The following ADAMTSL1 variants were observed in gnomAD, a reference collection of about 807,000 sequenced individuals.
The protein encoded by ADAMTSL1 is ADAMTS like 1.
ADAMTSL1 carries 126 observed loss-of-function variants against 201.8 expected under a neutral mutation model. The ratio of observed to expected loss-of-function variants is 0.62; its 90% CI spans 0.54 to 0.72. ADAMTSL1 has a LOEUF of 0.72. ADAMTSL1 is among the 30% of genes least tolerant of loss of function. ADAMTSL1 has a pLI of 0.00. For synonymous variants in ADAMTSL1, 1,121 were observed against 903.4 expected, an observed-to-expected ratio of 1.24 and a Z score of -4.32; for missense variants, 2,679 against 2,277.8, an observed-to-expected ratio of 1.18 and a Z score of -3.59.
Position 18,908,760 on chromosome 9 carries a change from GA to G in ADAMTSL1, c.*215del. The G allele has an allele frequency of 1.9e-6, 1 of 513,690 alleles. No homozygotes were observed. The highest frequency in any genetic ancestry group is 2.1e-5 in the South Asian group (1 of 47,174). The allele number at this position is 513,690 out of a possible 1,614,324, so 31.8% of individuals were successfully genotyped here. On this transcript the variant is annotated 3_prime_UTR_variant, in exon 29 of 29. Coordinates refer to ENST00000380548, the MANE Select transcript of ADAMTSL1 (RefSeq NM_001040272.6). ...GCTGGAGGACAGGATGTTGGGAAAG[GA>G]AAGGACAGATGTCTAAAGGAGGTTG... is the stretch of plus-strand genomic sequence containing the variant.
chr9:18,038,846 T>C (rs751489317), intron 1 of ADAMTSL1, among the ~76,000 whole-genome samples: 12 of 152,194 alleles, frequency 7.9e-5, no homozygotes, highest in Non-Finnish European at 1.8e-4. Context: ...GAGAGTCTAT[T>C]GTGTAAACTT....
At chr9:17,984,822 T>G (rs1206500395) in intron 1 of ADAMTSL1, among the ~76,000 whole-genome samples, 2 of 152,158 alleles carry the variant, frequency 1.3e-5, no homozygotes, top group Non-Finnish European at 2.9e-5. Flanking sequence ...GATTTAGGCT[T>G]TTCCTCAGTG....
intron 1 of ADAMTSL1, among the ~76,000 whole-genome samples, chr9:18,069,262 T>C (rs998075937): frequency 6.6e-6 from 1 of 152,226 alleles, no homozygotes; most frequent in Non-Finnish European, 1.5e-5. Context: ...AATTTCAATA[T>C]ATCGAGTTGA....
chr9:18,481,390 C>T (rs968718059), intron 1 of ADAMTSL1, among the ~76,000 whole-genome samples: 6 of 151,960 alleles, frequency 3.9e-5, no homozygotes, highest in African/African-American at 1.4e-4. Context: ...ACTAAAAATA[C>T]AAAAATTAGC....
intron 7 of ADAMTSL1, among the ~76,000 whole-genome samples, chr9:18,646,163 A>T (rs1827797745): frequency 6.6e-6 from 1 of 151,522 alleles, no homozygotes; most frequent in Admixed American, 6.6e-5. Context: ...TGTGAATCGG[A>T]GTTCACTCAT....
chr9:18,668,378 T>G (rs1829598068), intron 9 of ADAMTSL1, among the ~76,000 whole-genome samples: 1 of 152,172 alleles, frequency 6.6e-6, no homozygotes, highest in East Asian at 1.9e-4. Flanking sequence ...AATCACATAA[T>G]CAACTATAAC....
At chr9:18,494,921 C>G (rs1474022784) in intron 1 of ADAMTSL1, among the ~76,000 whole-genome samples, 1 of 152,100 alleles carries the variant, frequency 6.6e-6, no homozygotes, top group African/African-American at 2.4e-5. Flanking sequence ...GCTTTGTATT[C>G]TAGCAAGATA....
intron 23 of ADAMTSL1, among the ~76,000 whole-genome samples, chr9:18,855,283 T>G (rs906972950): frequency 2.6e-5 from 4 of 152,228 alleles, no homozygotes; most frequent in Non-Finnish European, 5.9e-5. Flanking sequence ...GGTTTTTGTG[T>G]AACTGTTTTC....
At chr9:18,125,778 C>T (rs1299146991) in intron 1 of ADAMTSL1, among the ~76,000 whole-genome samples, 1 of 152,142 alleles carries the variant, frequency 6.6e-6, no homozygotes, top group Non-Finnish European at 1.5e-5. Flanking sequence ...TTCCACACTG[C>T]TGACAGTAAT....
chr9:18,414,276 T>A (rs762429355), intron 2 of ADAMTSL1, among the ~76,000 whole-genome samples: 16 of 152,170 alleles, frequency 1.1e-4, no homozygotes, highest in Non-Finnish European at 2.1e-4. Flanking sequence ...TGGAACGTAT[T>A]CTCCCTACTA....
chr9:18,598,400 A>C (rs1160351220), intron 4 of ADAMTSL1, among the ~76,000 whole-genome samples: 2 of 152,102 alleles, frequency 1.3e-5, no homozygotes, highest in East Asian at 3.9e-4. Context: ...AATGCTTTTT[A>C]TGTGTGTTTT....
intron 15 of ADAMTSL1, among the ~76,000 whole-genome samples, chr9:18,741,801 C>T (rs1818844350): frequency 6.6e-6 from 1 of 152,160 alleles, no homozygotes. Context: ...GCTATCTTCC[C>T]TTCTGTGAAT....
rs1384860090 is a variant in ADAMTSL1, at chr9:18,828,696, A to ATATATATATATATATATT, written c.4115-1147_4115-1146insTATATATATATATATATT. ...TATATATATATATATATATATATAA[A>ATATATATATATATATATT]ATGTGTGTGTGTGTATATATATATA... On this transcript the variant is annotated intron_variant, in intron 22 of 28. Coordinates refer to ENST00000380548, the MANE Select transcript of ADAMTSL1 (RefSeq NM_001040272.6). Among the ~76,000 whole-genome samples, 166 of 91,006 alleles carry ATATATATATATATATATT rather than the reference A, an allele frequency of 1.8e-3. 5 individuals are homozygous for ATATATATATATATATATT. Among genetic ancestry groups the ATATATATATATATATATT allele is most frequent in the Non-Finnish European group, 3.1e-3 (138 of 44,864 alleles). The allele number at this position is 91,006 out of a possible 152,430, so 59.7% of individuals were successfully genotyped here.
At chr9:18,616,407 T>C (rs1825705387) in intron 4 of ADAMTSL1, among the ~76,000 whole-genome samples, 1 of 152,228 alleles carries the variant, frequency 6.6e-6, no homozygotes, top group South Asian at 2.1e-4. Flanking sequence ...ACTGCTTGTA[T>C]GTATTTGCTC....
chr9:18,697,240 C>G (rs577015070), intron 13 of ADAMTSL1, among the ~76,000 whole-genome samples: 32 of 152,250 alleles, frequency 2.1e-4, no homozygotes, highest in African/African-American at 7.2e-4. Flanking sequence ...AAAACTAGTT[C>G]AAATGAGAAT....
chr9:18,635,161 T>C (rs1000284717), intron 5 of ADAMTSL1, among the ~76,000 whole-genome samples: 2 of 151,582 alleles, frequency 1.3e-5, no homozygotes, highest in East Asian at 1.9e-4. Flanking sequence ...ACCTCTGCAG[T>C]ACCATAAAAA....
At chr9:18,408,194 C>T (rs990286593) in intron 2 of ADAMTSL1, among the ~76,000 whole-genome samples, 4 of 152,118 alleles carry the variant, frequency 2.6e-5, no homozygotes, top group South Asian at 2.1e-4. Flanking sequence ...AAGGGCCAGG[C>T]GCTGTGGCTG....
Position 18,274,571 on chromosome 9 carries a change from AT to A in ADAMTSL1, c.207+110591del, listed in dbSNP as rs201354134. The stretch of plus-strand genomic sequence containing the variant: ...AAATTTGTACTTAATGCAAAAAAAA[AT>A]ATTCATTATGCTCATTTAGAGAGAA... On this transcript the variant is annotated intron_variant, in intron 2 of 29. Coordinates refer to the ADAMTSL1 transcript ENST00000680146. 6.4e-4 allele frequency among the ~76,000 whole-genome samples: 97 copies of A among 152,216 alleles called. 1 individual carries two copies. The East Asian group carries it at 0.014, about 21-fold the overall frequency.
At chr9:18,325,989 C>A (rs1834817536) in intron 2 of ADAMTSL1, among the ~76,000 whole-genome samples, 1 of 152,170 alleles carries the variant, frequency 6.6e-6, no homozygotes, top group Non-Finnish European at 1.5e-5. Context: ...GATCCACCCA[C>A]CTTGGGCCTC....
Sources: gnomAD v4.1 joint callset for allele counts (sites outside exome capture counted in the v4.1 genomes callset) on GRCh38, gnomAD v4.1.1 for gene constraint, MANE v1.5 for transcripts, NCBI Gene and HGNC (gene_info 2026-07-23, HGNC 2026-07-21) for gene names.